Variants in ZC3H4 observed in about 807,000 individuals in gnomAD.
ZC3H4 encodes zinc finger CCCH-type containing 4.
ZC3H4 carries 13 observed loss-of-function variants against 108.3 expected under a neutral mutation model. The observed-to-expected ratio is 0.12, with a 90% CI of 0.08 to 0.19. The LOEUF is 0.19. Among genes scored for constraint, ZC3H4 ranks in the 10% least tolerant of loss-of-function variants. The pLI, the probability that ZC3H4 is intolerant of heterozygous loss-of-function variation, is 1.00. For synonymous variants in ZC3H4, 917 were observed against 749.6 expected, an observed-to-expected ratio of 1.22 and a Z score of -3.65; for missense variants, 1,734 against 1,838.8, an observed-to-expected ratio of 0.94 and a Z score of 1.04.
chr19:47,105,338 T>C lies in ZC3H4; in HGVS notation c.161+7086A>G, dbSNP rs56782748. Among the ~76,000 whole-genome samples the C allele has an allele frequency of 5.4e-3, 828 of 152,278 alleles. 13 individuals are homozygous for C. Among genetic ancestry groups the C allele is most frequent in the African/African-American group, 0.019 (805 of 41,558 alleles). ...CCTACTGGCCAGGCGCGGTGGCTCATACCTGTAATCCTATCACTTTGGGAG... is the reference window on the plus strand; with the variant it reads ...CCTACTGGCCAGGCGCGGTGGCTCACACCTGTAATCCTATCACTTTGGGAG... On this transcript the variant is annotated intron_variant, in intron 2 of 14. Coordinates refer to ENST00000253048, the MANE Select transcript of ZC3H4 (RefSeq NM_015168.2).
intron 2 of ZC3H4, among the ~76,000 whole-genome samples, chr19:47,095,840 C>T (rs1030503454): frequency 2.0e-5 from 3 of 152,210 alleles, no homozygotes; most frequent in African/African-American, 7.2e-5. Flanking sequence ...GAGCATCCAA[C>T]TCCTTCCGTC....
intron 2 of ZC3H4, chr19:47,112,018 C>T (rs548555045): frequency 1.4e-4 from 92 of 634,772 alleles, no homozygotes; most frequent in African/African-American, 1.4e-3. Context: ...GACGGGCAAG[C>T]GGGCCCGTAG....
rs767103464 is a variant in ZC3H4 at position 47,067,529 on chromosome 19, G to C, written c.2739C>G (p.Ser913Arg). The change falls in exon 15 of 15, where the codon AGC becomes AGG. Residue 913 changes from serine (S) to arginine (R), a missense_variant. Physicochemically the swap from Ser to Arg is moderately radical, Grantham distance 110 (BLOSUM62 -1). Around this residue, in one of 9 missense-constraint regions of ZC3H4, gnomAD observed 540 missense variants for 484.1 expected, o/e 1.12. Transcript: ENST00000253048. The surrounding 1 kb of genome is among the most constrained non-coding windows in gnomAD (Gnocchi z 6.4). ...GSLHSSPVGP[S>R]SSKGSGPPPT... ...GGGGCGGCCCAGACCCCTTGGAACT[G>C]CTGGGGCCCACAGGGCTGGAATGAA... 1.3e-6 allele frequency: 2 copies of C among 1,596,582 alleles called. No individual in the cohort carries two copies. Among genetic ancestry groups the C allele is most frequent in the Admixed American group, 3.5e-5 (2 of 57,814 alleles).
At chr19:47,108,615 G>A (rs765860613) in intron 2 of ZC3H4, among the ~76,000 whole-genome samples, 1 of 152,286 alleles carries the variant, frequency 6.6e-6, no homozygotes, top group East Asian at 1.9e-4. Flanking sequence ...AGTCAAAACC[G>A]TTCATCTTTA....
rs1445131204 is a variant in ZC3H4, at chr19:47,081,513, C to T, written c.1440G>A (p.Lys480=). ...LTEETRELLD[K]MLADDAEAGA... ...GGGCCCCGTTACCCCCGGACATTACCTTATCCAAGAGCTCCCTCGTCTCTT... is the reference window on the plus strand; with the variant it reads ...GGGCCCCGTTACCCCCGGACATTACTTTATCCAAGAGCTCCCTCGTCTCTT... Residue 480 remains lysine (K), a splice_region_variant and synonymous_variant, in exon 11 of 15, where the codon AAG becomes AAA. Transcript: ENST00000253048. 1 of 1,614,180 alleles carries T rather than the reference C, an allele frequency of 6.2e-7. No homozygotes were observed. Among genetic ancestry groups the T allele is most frequent in the Non-Finnish European group, 8.5e-7 (1 of 1,179,988 alleles).
At chr19:47,105,667 G>A (rs1045082155) in intron 2 of ZC3H4, among the ~76,000 whole-genome samples, 2 of 152,136 alleles carry the variant, frequency 1.3e-5, no homozygotes, top group African/African-American at 2.4e-5. Flanking sequence ...GCTTTGGCCC[G>A]AGAATCATAG....
intron 11 of ZC3H4, among the ~76,000 whole-genome samples, chr19:47,076,370 C>G (rs528428447): frequency 1.3e-5 from 2 of 152,294 alleles, no homozygotes; most frequent in African/African-American, 4.8e-5. Flanking sequence ...GCCTGTTTAC[C>G]CCATAATTCT....
Position 47,066,483 on chromosome 19 carries a change from G to A in ZC3H4, c.3785C>T (p.Thr1262Ile). 2 of 1,583,504 alleles carry A rather than the reference G, an allele frequency of 1.3e-6. No individual in the cohort carries two copies. The highest frequency in any genetic ancestry group is 1.3e-5 in the African/African-American group (1 of 74,596). Residue 1262 changes from threonine to isoleucine, a missense_variant, in exon 15 of 15, where the codon ACA (threonine) becomes ATA (isoleucine). Physicochemically the swap from Thr to Ile is moderately conservative, Grantham distance 89. Coordinates refer to ENST00000253048, the MANE Select transcript of ZC3H4 (RefSeq NM_015168.2). ...TGGGCTTCCTGAGCCCGTCTTGGGT[G>A]TCTGCTTCACCGTCCCGAAGAGGGT... ...VPTLFGTVKQTPKTGSGSPFA... is the reference protein window; with the variant it reads ...VPTLFGTVKQIPKTGSGSPFA...
chr19:47,066,908 G>T lies in ZC3H4; in HGVS notation c.3360C>A (p.Pro1120=). The change falls in exon 15 of 15, where the codon CCC becomes CCA. Residue 1120 remains proline, a synonymous_variant. Coordinates refer to ENST00000253048, the MANE Select transcript of ZC3H4 (RefSeq NM_015168.2). ...SGDASPPATA[P]YDPRVLAAGG... ...CGGCCGCCAGCACGCGGGGGTCGTA[G>T]GGAGCGGTGGCTGGTGGGGAGGCAT... 1.3e-6 allele frequency: 2 copies of T among 1,597,026 alleles called. No homozygotes were observed.
At position 47,090,225 on chromosome 19, in the gene ZC3H4, A is replaced by C. The variant is rs372029986; in HGVS notation, c.493-36T>G. The C allele has an allele frequency of 1.2e-4, 187 of 1,612,118 alleles. No homozygotes were observed. In the African/African-American group the frequency reaches 2.3e-3, roughly 20 times the overall value. On this transcript the variant is annotated intron_variant, in intron 4 of 14. Coordinates refer to ENST00000253048, the MANE Select transcript of ZC3H4 (RefSeq NM_015168.2). The stretch of plus-strand genomic sequence containing the variant: ...GAGATGGGGAAAAGAGGTGAGCCGG[A>C]TCCCACAGCCGTGGGTGCAGACTAC...
At chr19:47,081,460 G>T in intron 11 of ZC3H4, 53 bp downstream of exon 11, 1 of 1,392,602 alleles carries the variant, frequency 7.2e-7, no homozygotes, top group Non-Finnish European at 1.0e-6. Context: ...AGGCAATGGA[G>T]TGCGCATGTC....
At chr19:47,088,039 G>T (rs749508936) in intron 5 of ZC3H4, among the ~76,000 whole-genome samples, 2 of 151,804 alleles carry the variant, frequency 1.3e-5, no homozygotes, top group Non-Finnish European at 2.9e-5. Context: ...CGGGCGTGGC[G>T]GCAAGCACCT....
Position 47,067,578 on chromosome 19 carries a change from G to T in ZC3H4, c.2690C>A (p.Pro897His). 6.2e-7 allele frequency: 1 copy of T among 1,603,738 alleles called. No homozygotes were observed. ...PSDPRLARAL[P>H]TSKPEGSLHS... ...AAGGCTGCCTTCGGGCTTGGAGGTG[G>T]GCAGGGCGCGAGCCAGCCGAGGATC... Residue 897 changes from proline (P) to histidine (H), a missense_variant, in exon 15 of 15, where the codon CCC (proline) becomes CAC (histidine). Coordinates refer to ENST00000253048, the MANE Select transcript of ZC3H4 (RefSeq NM_015168.2). This position sits in a 1 kb window ranked among gnomAD's most constrained non-coding sequence, Gnocchi z 6.4.
At chr19:47,093,829 T>G in intron 4 of ZC3H4, 141 bp downstream of exon 4, 1 of 621,782 alleles carries the variant, frequency 1.6e-6, no homozygotes, top group Non-Finnish European at 2.7e-6. Context: ...TCCTCACTCA[T>G]AAAATGGGGA....
intron 10 of ZC3H4, 131 bp from the exon 11 acceptor site, chr19:47,081,753 G>A: frequency 1.3e-6 from 1 of 767,372 alleles, no homozygotes; most frequent in Non-Finnish European, 2.2e-6. Context: ...GAGGCGATGT[G>A]CTAAGGGCTG....
chr19:47,091,974 C>T (rs2057740304), intron 4 of ZC3H4, among the ~76,000 whole-genome samples: 1 of 151,840 alleles, frequency 6.6e-6, no homozygotes, highest in Non-Finnish European at 1.5e-5. Context: ...TTTGGGAGGC[C>T]GAGGTGGGCA....
At chr19:47,111,223 C>G (rs1310081659) in intron 2 of ZC3H4, among the ~76,000 whole-genome samples, 1 of 152,220 alleles carries the variant, frequency 6.6e-6, no homozygotes, top group Non-Finnish European at 1.5e-5. Context: ...TCTCGCCCCA[C>G]CAGGAAACAG....
intron 2 of ZC3H4, among the ~76,000 whole-genome samples, chr19:47,097,239 T>C (rs1417823685): frequency 3.9e-5 from 6 of 152,240 alleles, no homozygotes; most frequent in Non-Finnish European, 8.8e-5. Flanking sequence ...ATACAACTTT[T>C]CACAAAACAG....
chr19:47,064,546 TA>T lies in ZC3H4; in HGVS notation c.*1809del, dbSNP rs2057169693. 6.6e-6 allele frequency: 1 copy of T among 152,194 alleles called. No homozygotes were observed. Among genetic ancestry groups the T allele is most frequent in the Non-Finnish European group, 1.5e-5 (1 of 67,934 alleles). The allele number at this position is 152,194 out of a possible 1,614,324, so 9.4% of individuals were successfully genotyped here. ...TCTATTTCATCCACAGATTTCGGTT[TA>T]AAAAATATTTTTCTTTTACAAAAGA... is the stretch of plus-strand genomic sequence containing the variant. On this transcript the variant is annotated 3_prime_UTR_variant, in exon 15 of 15. Transcript: ENST00000253048.
Sources: gnomAD v4.1 joint callset for allele counts (sites outside exome capture counted in the v4.1 genomes callset) on GRCh38, gnomAD v4.1.1 for gene constraint, gnomAD v4.1.1 regional missense constraint, Gnocchi (gnomAD v3.1) non-coding constraint, MANE v1.5 for transcripts, NCBI Gene and HGNC (gene_info 2026-07-23, HGNC 2026-07-21) for gene names.